The following NCOA7 variants were observed in gnomAD, a reference collection of about 807,000 sequenced individuals.
The protein encoded by NCOA7 is 140 kDa estrogen receptor-associated protein.
NCOA7 carries 45 observed loss-of-function variants against 104.3 expected under a neutral mutation model. That is an observed-to-expected ratio of 0.43 (90% CI 0.34 to 0.55). The LOEUF (loss-of-function observed/expected upper bound fraction) is 0.55, where lower values mean the gene tolerates loss of function less well. Among genes scored for constraint, NCOA7 ranks in the 20% least tolerant of loss-of-function variants. NCOA7 has a pLI of 0.02. For missense variants in NCOA7, 1,041 were observed against 1,119.7 expected (o/e 0.93, Z 1.00); for synonymous variants, 398 against 402.3 (o/e 0.99, Z 0.13).
intron 7 of NCOA7, among the ~76,000 whole-genome samples, chr6:125,884,557 T>C (rs1203296532): frequency 6.6e-6 from 1 of 152,252 alleles, no homozygotes; most frequent in African/African-American, 2.4e-5. Flanking sequence ...TTCACCAAGC[T>C]ACGACTTTTT....
intron 1 of NCOA7, among the ~76,000 whole-genome samples, chr6:125,803,229 G>A (rs376760292): frequency 2.0e-5 from 3 of 152,190 alleles, no homozygotes; most frequent in Non-Finnish European, 2.9e-5. Context: ...GCACTGGTCC[G>A]TGTGACCCAG....
intron 2 of NCOA7, among the ~76,000 whole-genome samples, chr6:125,816,344 C>G (rs1777589647): frequency 6.6e-6 from 1 of 152,130 alleles, no homozygotes; most frequent in Non-Finnish European, 1.5e-5. Context: ...CAAAATAAAT[C>G]TATGACATCG....
intron 2 of NCOA7, among the ~76,000 whole-genome samples, chr6:125,825,125 A>T (rs1048622421): frequency 6.7e-6 from 1 of 148,452 alleles, no homozygotes; most frequent in African/African-American, 2.5e-5. Flanking sequence ...AGTGCTAGAT[A>T]CCAGGAGTTT....
intron 6 of NCOA7, 78 bp downstream of exon 6, chr6:125,881,281 C>A: frequency 9.8e-7 from 1 of 1,016,024 alleles, no homozygotes. Flanking sequence ...TGTTATTTTT[C>A]ACAAGATTAC....
intron 5 of NCOA7, among the ~76,000 whole-genome samples, chr6:125,880,577 G>A (rs1175755226): frequency 6.6e-6 from 1 of 151,142 alleles, no homozygotes; most frequent in African/African-American, 2.4e-5. Flanking sequence ...ACCCAGGCTG[G>A]AGTGCAGTGG....
At chr6:125,790,903 C>A (rs972724243), upstream of NCOA7, 1 of 152,744 alleles carries the variant, frequency 6.5e-6, no homozygotes, top group Admixed American at 6.5e-5. Flanking sequence ...GCTCCCGCCT[C>A]CTCCTCTTGC....
At chr6:125,926,169 G>C (rs1049694707) in intron 13 of NCOA7, among the ~76,000 whole-genome samples, 1 of 152,084 alleles carries the variant, frequency 6.6e-6, no homozygotes, top group Non-Finnish European at 1.5e-5. Flanking sequence ...AAATTAGCCA[G>C]ACATAGTGGT....
intron 1 of NCOA7, among the ~76,000 whole-genome samples, chr6:125,804,496 A>T (rs1776232614): frequency 6.6e-6 from 1 of 152,190 alleles, no homozygotes; most frequent in Non-Finnish European, 1.5e-5. Context: ...GATGTCTCTT[A>T]TGACTAGGAG....
rs1438350012 is a variant in NCOA7 at position 125,889,958 on chromosome 6, A to G, written c.1904A>G (p.Lys635Arg). Reference protein sequence around the residue: ...NKSEVQLWLLKRIQVPIEDIL... With the variant: ...NKSEVQLWLLRRIQVPIEDIL... Reference sequence around the variant, plus strand: ...TCTGAAGTTCAGTTGTGGCTGTTAAAGAGAATTCAGGTACCCATTGAAGGT... The same window carrying G: ...TCTGAAGTTCAGTTGTGGCTGTTAAGGAGAATTCAGGTACCCATTGAAGGT... The change falls in exon 9 of 16, where the codon AAG becomes AGG. Residue 635 changes from lysine (K) to arginine (R), a missense_variant. Physicochemically the swap from Lys to Arg is conservative, Grantham distance 26. This residue lies in a region of NCOA7 where 914 missense variants were observed against 942.7 expected (regional missense o/e 0.97). Coordinates refer to ENST00000392477, the MANE Select transcript of NCOA7 (RefSeq NM_181782.5). The G allele has an allele frequency of 3.9e-6, 6 of 1,547,894 alleles. No individual in the cohort carries two copies. In the African/African-American group the frequency reaches 6.9e-5, roughly 18 times the overall value.
chr6:125,835,050 A>G (rs1779498235), intron 2 of NCOA7, among the ~76,000 whole-genome samples: 1 of 152,234 alleles, frequency 6.6e-6, no homozygotes, highest in Non-Finnish European at 1.5e-5. Context: ...CTGATAATTT[A>G]AAAGGATGTA....
intron 2 of NCOA7, among the ~76,000 whole-genome samples, chr6:125,817,278 T>C (rs1160984536): frequency 6.6e-6 from 1 of 152,220 alleles, no homozygotes; most frequent in Non-Finnish European, 1.5e-5. Flanking sequence ...CCTGAGATAA[T>C]TGTCTGAGAG....
chr6:125,927,910 C>G (rs1427577560), intron 14 of NCOA7, 152 bp downstream of exon 14: 6 of 726,114 alleles, frequency 8.3e-6, no homozygotes, highest in African/African-American at 5.3e-5. Context: ...TCGCAAACTG[C>G]TTAGCGTCCC....
chr6:125,927,977 G>T (rs1033701602), intron 14 of NCOA7, among the ~76,000 whole-genome samples, 197 bp from the exon 15 acceptor site: 1 of 152,234 alleles, frequency 6.6e-6, no homozygotes, highest in Non-Finnish European at 1.5e-5. Context: ...GAGCCACCAC[G>T]TGTCTGAAAG....
rs753360349 is a variant in NCOA7 at position 125,847,140 on chromosome 6, TTG to T, written c.51-7868_51-7867del. ...CAAATGAGAACATAATAAAAAGTAT[TTG>T]TGTGTGTGTGTATGTACCCTTGTAC... On this transcript the variant is annotated intron_variant, in intron 2 of 15. Transcript: ENST00000392477. 4.6e-5 allele frequency among the ~76,000 whole-genome samples: 7 copies of T among 152,106 alleles called. No individual in the cohort carries two copies. The South Asian group carries it at 1.0e-3, about 23-fold the overall frequency.
At chr6:125,829,301 A>G (rs1046944774) in intron 2 of NCOA7, among the ~76,000 whole-genome samples, 1 of 152,208 alleles carries the variant, frequency 6.6e-6, no homozygotes, top group Non-Finnish European at 1.5e-5. Context: ...ACAGATGTAC[A>G]ATGCTAGGAG....
intron 1 of NCOA7, among the ~76,000 whole-genome samples, chr6:125,804,265 T>G (rs1776202068): frequency 1.3e-5 from 2 of 152,212 alleles, no homozygotes; most frequent in African/African-American, 4.8e-5. Context: ...AAAACAAACT[T>G]TCTTTCCATG....
intron 1 of NCOA7, among the ~76,000 whole-genome samples, chr6:125,805,733 C>G (rs1228290420): frequency 6.6e-6 from 1 of 152,146 alleles, no homozygotes; most frequent in Non-Finnish European, 1.5e-5. Flanking sequence ...TTCCTGTCAT[C>G]TTTGTATTCA....
intron 3 of NCOA7, among the ~76,000 whole-genome samples, chr6:125,874,662 T>C (rs1783212305): frequency 6.6e-6 from 1 of 152,220 alleles, no homozygotes; most frequent in Non-Finnish European, 1.5e-5. Context: ...AACTAAACAT[T>C]ACCTCATTGT....
intron 13 of NCOA7, among the ~76,000 whole-genome samples, chr6:125,923,543 A>G (rs528762368): frequency 6.6e-6 from 1 of 152,324 alleles, no homozygotes; most frequent in South Asian, 2.1e-4. Context: ...TCATGAAAGG[A>G]AGACATCATT....
Sources: allele counts gnomAD v4.1 joint callset (sites outside exome capture counted in the v4.1 genomes callset), GRCh38; gene constraint gnomAD v4.1.1; regional missense constraint gnomAD v4.1.1; transcripts MANE v1.5; gene names NCBI Gene and HGNC (gene_info 2026-07-23, HGNC 2026-07-21).